TRPM6: variants seen among roughly 807,000 people sequenced by gnomAD.
TRPM6 encodes channel kinase 2.
TRPM6 carries 111 observed loss-of-function variants against 247.6 expected under a neutral mutation model. The ratio of observed to expected loss-of-function variants is 0.45; its 90% CI spans 0.38 to 0.52. The LOEUF (loss-of-function observed/expected upper bound fraction) is 0.52. Ranked by LOEUF, TRPM6 falls within the 20% of genes least tolerant of loss-of-function variation. The pLI is 0.00. For synonymous variants in TRPM6, 892 were observed against 853.8 expected (o/e 1.04, Z -0.78); for missense variants, 2,126 against 2,421.5 (o/e 0.88, Z 2.56).
intron 14 of TRPM6, chr9:74,804,645 G>A: frequency 1.3e-6 from 1 of 747,954 alleles, no homozygotes; most frequent in South Asian, 1.4e-5. Flanking sequence ...AGGCATGAAG[G>A]TGTCCTCTGT....
At chr9:74,800,965 C>A (rs550999530) in intron 16 of TRPM6, among the ~76,000 whole-genome samples, 1 of 146,232 alleles carries the variant, frequency 6.8e-6, no homozygotes. Flanking sequence ...GTAAGGAAAG[C>A]TGTGGAGTCA....
chr9:74,798,863 C>T (rs370171932), intron 17 of TRPM6, among the ~76,000 whole-genome samples: 4 of 152,070 alleles, frequency 2.6e-5, no homozygotes, highest in South Asian at 2.1e-4. Context: ...CACAAGTCTC[C>T]TTTTTGGTAT....
chr9:74,739,292 A>T (rs1483899710), intron 35 of TRPM6, 75 bp downstream of exon 35: 2 of 1,322,950 alleles, frequency 1.5e-6, no homozygotes, highest in Non-Finnish European at 2.2e-6. Flanking sequence ...AAGATTTCTC[A>T]TGAGTAATGG....
In TRPM6 at chr9:74,847,391, A is replaced by G. The variant is rs1173291009; in HGVS notation, c.153-5048T>C. On this transcript the variant is annotated intron_variant, in intron 3 of 38. Transcript: ENST00000360774. ...AATTTGGGGTTTTGCCATGTTGCCC[A>G]AGCTGATCTTGAACTCCTGGGCTCC... Among the ~76,000 whole-genome samples the G allele has an allele frequency of 4.6e-5, 7 of 152,074 alleles. No homozygotes were observed. The East Asian group carries it at 1.3e-3, about 29-fold the overall frequency.
At chr9:74,793,016 G>A (rs574905291) in intron 18 of TRPM6, among the ~76,000 whole-genome samples, 1 of 152,194 alleles carries the variant, frequency 6.6e-6, no homozygotes, top group East Asian at 1.9e-4. Context: ...AATAAGTAGA[G>A]TGTGGTGGCA....
intron 1 of TRPM6, among the ~76,000 whole-genome samples, chr9:74,866,096 T>C (rs2118421481): frequency 6.6e-6 from 1 of 152,292 alleles, no homozygotes. Flanking sequence ...GCCCAGGAGA[T>C]CAAGGCCAGC....
At chr9:74,787,778 C>T (rs558521401) in intron 20 of TRPM6, among the ~76,000 whole-genome samples, 82 of 152,272 alleles carry the variant, frequency 5.4e-4, no homozygotes, top group Non-Finnish European at 9.1e-4. Context: ...TGCAGTGGTG[C>T]GATCTTGGCT....
intron 38 of TRPM6, among the ~76,000 whole-genome samples, chr9:74,725,055 A>G (rs1442181078): frequency 6.6e-6 from 1 of 152,140 alleles, no homozygotes; most frequent in Non-Finnish European, 1.5e-5. Context: ...ACCAAATGGG[A>G]AATGGGGCAT....
chr9:74,747,868 T>C lies in TRPM6; in HGVS notation c.5083+21A>G. The C allele has an allele frequency of 1.9e-6, 3 of 1,586,668 alleles. No homozygotes were observed. In the African/African-American group the frequency reaches 4.0e-5, roughly 21 times the overall value. On this transcript the variant is annotated intron_variant, in intron 31 of 38. Transcript: ENST00000360774. ...AAAGATGAAAAAATAAAAAATAAAA[T>C]GTTTAAACAGAAAAACTTACTGTCA...
chr9:74,789,740 A>G lies in TRPM6; in HGVS notation c.2539-998T>C, dbSNP rs558692027. Among the ~76,000 whole-genome samples the G allele has an allele frequency of 7.2e-5, 11 of 152,178 alleles. No individual in the cohort carries two copies. The East Asian group carries it at 2.1e-3, about 30-fold the overall frequency. On this transcript the variant is annotated intron_variant, in intron 19 of 38. Coordinates refer to ENST00000360774, the MANE Select transcript of TRPM6 (RefSeq NM_017662.5). ...TTTGGGAGGCCAAGGCGGGTGGATCACCTGAGGTTAGGAGTTCGAGACCAG... is the reference window on the plus strand; with the variant it reads ...TTTGGGAGGCCAAGGCGGGTGGATCGCCTGAGGTTAGGAGTTCGAGACCAG...
chr9:74,800,359 G>A lies in TRPM6; in HGVS notation c.2133C>T (p.Ala711=), dbSNP rs371606295. 3.8e-5 allele frequency: 61 copies of A among 1,613,842 alleles called. No homozygotes were observed. The highest frequency in any genetic ancestry group is 1.6e-4 in the Middle Eastern group (1 of 6,084). The part of the protein sequence containing the change: ...NWSNSTCLKL[A]VSGGLRPFVS... ...CAAAGGGTCGTAATCCTCCCGACAC[G>A]GCCAGTTTAAGGCAGGTCGAATTGC... Residue 711 remains alanine, a synonymous_variant, in exon 17 of 39, where the codon GCC becomes GCT. Transcript: ENST00000360774.
At chr9:74,785,712 A>G (rs1827630356) in intron 21 of TRPM6, among the ~76,000 whole-genome samples, 162 bp downstream of exon 21, 1 of 152,024 alleles carries the variant, frequency 6.6e-6, no homozygotes, top group South Asian at 2.1e-4. Flanking sequence ...TTTAGTAGAG[A>G]CGGGGTTTCA....
intron 1 of TRPM6, among the ~76,000 whole-genome samples, chr9:74,860,372 T>A (rs1477575055): frequency 6.6e-6 from 1 of 152,002 alleles, no homozygotes; most frequent in Non-Finnish European, 1.5e-5. Flanking sequence ...TGAGACGGAG[T>A]CTTGCTCTGT....
intron 9 of TRPM6, 179 bp downstream of exon 9, chr9:74,820,125 C>G: frequency 1.5e-6 from 1 of 661,806 alleles, no homozygotes; most frequent in Non-Finnish European, 2.6e-6. Flanking sequence ...GTATTAAGAT[C>G]TCCATGCATT....
chr9:74,858,844 A>G, intron 1 of TRPM6, 96 bp from the exon 2 acceptor site: 1 of 993,272 alleles, frequency 1.0e-6, no homozygotes, highest in Non-Finnish European at 1.5e-6. Flanking sequence ...AAGTATCATG[A>G]ATGCTAATTA....
intron 3 of TRPM6, among the ~76,000 whole-genome samples, chr9:74,854,647 G>C (rs1214374346): frequency 6.6e-6 from 1 of 151,956 alleles, no homozygotes; most frequent in East Asian, 1.9e-4. Context: ...CTAAACTGAG[G>C]GTTCCAATTT....
intron 27 of TRPM6, among the ~76,000 whole-genome samples, chr9:74,760,597 A>T (rs1231827950): frequency 2.0e-5 from 3 of 152,248 alleles, no homozygotes; most frequent in African/African-American, 7.2e-5. Context: ...GCCTAGTAGC[A>T]TTAGTCACTA....
rs745988472 is a variant in TRPM6, at chr9:74,821,762, G to T, written c.917C>A (p.Thr306Asn). Residue 306 changes from threonine to asparagine, a missense_variant, in exon 8 of 39, where the codon ACT becomes AAT. By Grantham distance (65) the Thr-to-Asn change is moderately conservative (BLOSUM62 0). Around this residue, in one of 3 missense-constraint regions of TRPM6, gnomAD observed 1,082 missense variants for 1,307.9 expected, o/e 0.83. Coordinates refer to ENST00000360774, the MANE Select transcript of TRPM6 (RefSeq NM_017662.5). ...CACCACTGGGTCCTTGTCCTTGACA[G>T]TCTCCCACACTGACAGGATGACGTT... ...GPNVILSVWE[T>N]VKDKDPVVVC... is the part of the protein sequence containing the mutation. 64 of 1,614,064 alleles carry T rather than the reference G, an allele frequency of 4.0e-5. No individual in the cohort carries two copies. The highest frequency in any genetic ancestry group is 5.2e-5 in the Non-Finnish European group (61 of 1,180,032).
intron 12 of TRPM6, 23 bp downstream of exon 12, chr9:74,812,276 T>C (rs750209629): frequency 5.6e-6 from 9 of 1,612,990 alleles, no homozygotes; most frequent in Admixed American, 3.3e-5. Flanking sequence ...AGGGAAATGA[T>C]TGATGAAATG....
Sources: gnomAD v4.1 joint callset for allele counts (sites outside exome capture counted in the v4.1 genomes callset) on GRCh38, gnomAD v4.1.1 for gene constraint, gnomAD v4.1.1 regional missense constraint, MANE v1.5 for transcripts, NCBI Gene and HGNC (gene_info 2026-07-23, HGNC 2026-07-21) for gene names.